Variants in SHANK1 observed in about 807,000 individuals in gnomAD.
The protein encoded by SHANK1 is SH3 and multiple ankyrin repeat domains protein 1.
In SHANK1, 35 loss-of-function variants were observed where a neutral mutation model predicts 165.6. That is an observed-to-expected ratio of 0.21 (90% CI 0.16 to 0.28). The LOEUF (loss-of-function observed/expected upper bound fraction) is 0.28. Ranked by LOEUF, SHANK1 falls within the 10% of genes least tolerant of loss-of-function variation. The pLI is 1.00. For missense variants in SHANK1, 2,681 were observed against 3,036.4 expected (o/e 0.88, Z 2.75); for synonymous variants, 1,428 against 1,384.8 (o/e 1.03, Z -0.69).
chr19:50,667,657 C>A lies in SHANK1; in HGVS notation c.4303G>T (p.Ala1435Ser). 3 of 1,399,868 alleles carry A rather than the reference C, an allele frequency of 2.1e-6. No individual in the cohort carries two copies. Among genetic ancestry groups the A allele is most frequent in the Non-Finnish European group, 2.8e-6 (3 of 1,086,452 alleles). 86.7% of individuals were successfully genotyped at this position (1,399,868 alleles called of 1,614,324 possible). A position where few individuals can be genotyped will look rare whatever the true frequency, so the allele number is the denominator to read the frequency against. ...GAACGCCGGGCGGCGGGCGGGCTGGCGGGAAGGGACTTCTCCTGGCTGCCC... is the reference window on the plus strand; with the variant it reads ...GAACGCCGGGCGGCGGGCGGGCTGGAGGGAAGGGACTTCTCCTGGCTGCCC... ...GLGSQEKSLPASPPAARRSLL... is the reference protein window; with the variant it reads ...GLGSQEKSLPSSPPAARRSLL... The change falls in exon 23 of 24, where the codon GCC becomes TCC. Residue 1435 changes from alanine to serine, a missense_variant. Physicochemically the swap from Ala to Ser is moderately conservative, Grantham distance 99. Transcript: ENST00000293441. The surrounding 1 kb of genome is among the most constrained non-coding windows in gnomAD (Gnocchi z 5.7).
chr19:50,678,324 G>T (rs1030909610), intron 21 of SHANK1, among the ~76,000 whole-genome samples: 1 of 152,072 alleles, frequency 6.6e-6, no homozygotes, highest in Admixed American at 6.6e-5. Flanking sequence ...GAGGGGCAGG[G>T]CTGGAGAGGA....
At position 50,660,149 on chromosome 19, in the gene SHANK1, C is replaced by A. The variant is rs543528997; in HGVS notation, c.*1816G>T. On this transcript the variant is annotated 3_prime_UTR_variant, in exon 24 of 24. Transcript: ENST00000293441. ...GGGGACCTGAGGGCAACGCCCTCCC[C>A]CCTTTACCCACAGCAGGGGAGGGGG... is the stretch of plus-strand genomic sequence containing the variant. 6.0e-5 allele frequency among the ~76,000 whole-genome samples: 9 copies of A among 151,184 alleles called. No homozygotes were observed. Among genetic ancestry groups the A allele is most frequent in the Admixed American group, 2.0e-4 (3 of 15,236 alleles).
At chr19:50,704,354 T>C (rs918723952) in intron 9 of SHANK1, 83 bp downstream of exon 9, 1 of 1,395,938 alleles carries the variant, frequency 7.2e-7, no homozygotes. Context: ...CTTTCCTCAT[T>C]GTCCCCTTCC....
Position 50,719,718 on chromosome 19 carries a change from C to T in SHANK1, c.-356G>A, listed in dbSNP as rs1043885458. ...CGCCGCGTCTCCGCCTGCTCTTCCT[C>T]CTCCTCTTCCTCGGGCCGCCGCCGC... On this transcript the variant is annotated 5_prime_UTR_variant, in exon 1 of 24. Transcript: ENST00000293441. Among the ~76,000 whole-genome samples the T allele has an allele frequency of 1.3e-5, 2 of 150,720 alleles. No individual in the cohort carries two copies. Among genetic ancestry groups the T allele is most frequent in the East Asian group, 2.0e-4 (1 of 5,068 alleles).
rs1248552656 is a variant in SHANK1, at chr19:50,668,872, C to G, written c.3088G>C (p.Gly1030Arg). Residue 1030 changes from glycine to arginine, a missense_variant, in exon 23 of 24, where the codon GGC (glycine) becomes CGC (arginine). Gly to Arg is a moderately radical substitution (Grantham distance 125, BLOSUM62 -2). Coordinates refer to ENST00000293441, the MANE Select transcript of SHANK1 (RefSeq NM_016148.5). ...CGGGGTGGAGGGTCGTCGGGAGAGC[C>G]GCCTGTCTCCATCTCGGGAGGATGA... ...PPHPPEMETG[G>R]SPDDPPPRLA... is the part of the protein sequence containing the mutation. The G allele has an allele frequency of 2.3e-6, 3 of 1,291,360 alleles. No individual in the cohort carries two copies. Among genetic ancestry groups the G allele is most frequent in the East Asian group, 6.3e-5 (2 of 31,814 alleles). The allele number at this position is 1,291,360 out of a possible 1,614,324, so 80.0% of individuals were successfully genotyped here. A position where few individuals can be genotyped will look rare whatever the true frequency, so the allele number is the denominator to read the frequency against.
In SHANK1 at chr19:50,716,142, T is replaced by C. The variant is rs2089067047; in HGVS notation, c.459+133A>G. 1 of 811,632 alleles carries C rather than the reference T, an allele frequency of 1.2e-6. No individual in the cohort carries two copies. The highest frequency in any genetic ancestry group is 2.1e-6 in the Non-Finnish European group (1 of 483,922). The allele number at this position is 811,632 out of a possible 1,614,324, so 50.3% of individuals were successfully genotyped here. A position where few individuals can be genotyped will look rare whatever the true frequency, so the allele number is the denominator to read the frequency against. ...TCAGGACTCTCTGACTTCCCTGTGATGCTTAGAAGGTCTGGACTCGCACAC... is the reference window on the plus strand; with the variant it reads ...TCAGGACTCTCTGACTTCCCTGTGACGCTTAGAAGGTCTGGACTCGCACAC... On this transcript the variant is annotated intron_variant, in intron 3 of 23. Coordinates refer to ENST00000293441, the MANE Select transcript of SHANK1 (RefSeq NM_016148.5). This position sits in a 1 kb window ranked among gnomAD's most constrained non-coding sequence, Gnocchi z 8.4.
Position 50,668,851 on chromosome 19 carries a change from G to A in SHANK1, c.3109C>T (p.Pro1037Ser). 7.8e-7 allele frequency: 1 copy of A among 1,288,152 alleles called. No homozygotes were observed. The highest frequency in any genetic ancestry group is 9.8e-7 in the Non-Finnish European group (1 of 1,023,604). The allele number at this position is 1,288,152 out of a possible 1,614,324, so 79.8% of individuals were successfully genotyped here. Residue 1037 changes from proline (P) to serine (S), a missense_variant, in exon 23 of 24, where the codon CCC becomes TCC. This residue lies in a region of SHANK1 where 1,713 missense variants were observed against 1,630.2 expected (regional missense o/e 1.05). Transcript: ENST00000293441. ...GGCTGGGGCCCCAGAGCCAGGCGGG[G>A]TGGAGGGTCGTCGGGAGAGCCGCCT... ...ETGGSPDDPP[P>S]RLALGPQPSL...
intron 21 of SHANK1, among the ~76,000 whole-genome samples, chr19:50,679,476 C>T (rs1986102382): frequency 6.6e-6 from 1 of 152,084 alleles, no homozygotes; most frequent in Non-Finnish European, 1.5e-5. Context: ...CGCACTGACT[C>T]CCCAGGGAGC....
chr19:50,661,841 A>G lies in SHANK1; in HGVS notation c.*124T>C. 1.8e-6 allele frequency: 2 copies of G among 1,104,004 alleles called. No homozygotes were observed. Among genetic ancestry groups the G allele is most frequent in the Non-Finnish European group, 1.3e-6 (1 of 759,166 alleles). 68.4% of individuals were successfully genotyped at this position (1,104,004 alleles called of 1,614,324 possible). A position where few individuals can be genotyped will look rare whatever the true frequency, so the allele number is the denominator to read the frequency against. The stretch of plus-strand genomic sequence containing the variant: ...TGGTGACCTCTGGCCTTGGGAGATG[A>G]GGGCAGGGCGCAGTTTGAACAGAGT... On this transcript the variant is annotated 3_prime_UTR_variant, in exon 24 of 24. Coordinates refer to ENST00000293441, the MANE Select transcript of SHANK1 (RefSeq NM_016148.5).
chr19:50,662,170 G>A lies in SHANK1; in HGVS notation c.6281C>T (p.Pro2094Leu). The A allele has an allele frequency of 6.2e-7, 1 of 1,611,606 alleles. No homozygotes were observed. Among genetic ancestry groups the A allele is most frequent in the South Asian group, 1.1e-5 (1 of 90,992 alleles). The change falls in exon 24 of 24, where the codon CCT (proline) becomes CTT (leucine). Residue 2094 changes from proline (P) to leucine (L), a missense_variant. Transcript: ENST00000293441. This position sits in a 1 kb window ranked among gnomAD's most constrained non-coding sequence, Gnocchi z 7.7. The stretch of plus-strand genomic sequence containing the variant: ...GTCGAACTTGGTCCAGAACCCCAGA[G>A]GTTTAGCGCCAAACGGCTTGTCCGG... The part of the protein sequence containing the change: ...LPPDKPFGAK[P>L]LGFWTKFDVA...
rs777170485 is a variant in SHANK1 at position 50,667,188 on chromosome 19, G to A, written c.4772C>T (p.Pro1591Leu). ...GGCAGGGGCAGGTGTGTCGGGCAGCGGGTGGGGAGGCCCAGGCGTGAGGGG... is the reference window on the plus strand; with the variant it reads ...GGCAGGGGCAGGTGTGTCGGGCAGCAGGTGGGGAGGCCCAGGCGTGAGGGG... ...ESPLTPGPPH[P>L]LPDTPAPATP... Residue 1591 changes from proline to leucine, a missense_variant, in exon 23 of 24, where the codon CCG becomes CTG. Pro to Leu is a moderately conservative substitution (Grantham distance 98). This residue lies in a region of SHANK1 where 1,713 missense variants were observed against 1,630.2 expected (regional missense o/e 1.05). Transcript: ENST00000293441. This position sits in a 1 kb window ranked among gnomAD's most constrained non-coding sequence, Gnocchi z 5.7. 3.8e-6 allele frequency: 6 copies of A among 1,570,146 alleles called. No homozygotes were observed. In the Admixed American group the frequency reaches 7.4e-5, roughly 19 times the overall value.
At chr19:50,695,414 G>T (rs1266777050) in intron 15 of SHANK1, among the ~76,000 whole-genome samples, 1 of 151,014 alleles carries the variant, frequency 6.6e-6, no homozygotes, top group Admixed American at 6.6e-5. Context: ...CGGGCAGGGG[G>T]GAGGGGGCCG....
intron 22 of SHANK1, among the ~76,000 whole-genome samples, 171 bp downstream of exon 22, chr19:50,671,847 C>T (rs914955014): frequency 6.6e-6 from 1 of 152,144 alleles, no homozygotes; most frequent in African/African-American, 2.4e-5. Flanking sequence ...GGAGGGGAGC[C>T]AGGATTCATG....
intron 9 of SHANK1, 41 bp downstream of exon 9, chr19:50,704,396 T>C (rs772081348): frequency 1.3e-6 from 2 of 1,585,908 alleles, no homozygotes; most frequent in Non-Finnish European, 1.7e-6. Flanking sequence ...CACCCTTTCC[T>C]TAGCCCTGGA....
At chr19:50,671,180 C>CTTTTT (rs35076465) in intron 22 of SHANK1, among the ~76,000 whole-genome samples, 18 of 76,736 alleles carry the variant, frequency 2.3e-4, no homozygotes, top group South Asian at 5.2e-4. Flanking sequence ...TTTTTTCACT[C>CTTTTT]TTTTTTTTTT....
chr19:50,717,106 T>C lies in SHANK1; in HGVS notation c.-43-144A>G. 1.7e-6 allele frequency: 1 copy of C among 596,510 alleles called. No individual in the cohort carries two copies. 37.0% of individuals were successfully genotyped at this position (596,510 alleles called of 1,614,324 possible). ...AAGGAGGCTGGACACACCCTCGGCC[T>C]GCACGGCCTCCCCTGCCGCCTCCTC... On this transcript the variant is annotated intron_variant, in intron 1 of 23. Transcript: ENST00000293441. The surrounding 1 kb of genome is among the most constrained non-coding windows in gnomAD (Gnocchi z 5.5).
At chr19:50,711,766 C>A (rs998350237) in intron 7 of SHANK1, among the ~76,000 whole-genome samples, 181 bp downstream of exon 7, 2 of 152,220 alleles carry the variant, frequency 1.3e-5, no homozygotes, top group African/African-American at 4.8e-5. Flanking sequence ...TCAGGTTCCC[C>A]AGCCTATGCC....
At chr19:50,706,882 A>C (rs966657080) in intron 8 of SHANK1, among the ~76,000 whole-genome samples, 7 of 152,030 alleles carry the variant, frequency 4.6e-5, no homozygotes, top group African/African-American at 1.7e-4. Flanking sequence ...GGTTCAAGCG[A>C]TTCTCCTGCC....
Position 50,690,007 on chromosome 19 carries a change from G to A in SHANK1, c.1965-728C>T, listed in dbSNP as rs1322784543. Among the ~76,000 whole-genome samples, 2 of 152,142 alleles carry A rather than the reference G, an allele frequency of 1.3e-5. No individual in the cohort carries two copies. The highest frequency in any genetic ancestry group is 2.9e-5 in the Non-Finnish European group (2 of 68,026). ...TCAAATGGAAAAATTCAATTCCTCAGTCACAGTGGCCATATTTCCAAGTGT... is the reference window on the plus strand; with the variant it reads ...TCAAATGGAAAAATTCAATTCCTCAATCACAGTGGCCATATTTCCAAGTGT... On this transcript the variant is annotated intron_variant, in intron 15 of 23. Transcript: ENST00000293441. The surrounding 1 kb of genome is among the most constrained non-coding windows in gnomAD (Gnocchi z 4.9).
Sources: allele counts gnomAD v4.1 joint callset (sites outside exome capture counted in the v4.1 genomes callset), GRCh38; gene constraint gnomAD v4.1.1; regional missense constraint gnomAD v4.1.1; non-coding constraint Gnocchi (gnomAD v3.1); transcripts MANE v1.5; gene names NCBI Gene and HGNC (gene_info 2026-07-23, HGNC 2026-07-21).